The following BPIFB3 variants were observed in gnomAD, a reference collection of about 807,000 sequenced individuals.
BPIFB3 encodes the protein BPI fold containing family B member 3, also known as BPI fold-containing family B member 3.
In BPIFB3, 49 loss-of-function variants were observed where a neutral mutation model predicts 53.1. The observed-to-expected ratio is 0.92, with a 90% confidence interval of 0.73 to 1.17. The LOEUF (loss-of-function observed/expected upper bound fraction) is 1.17. BPIFB3 is among the 50% of genes most tolerant of loss of function. The pLI, the probability that BPIFB3 is intolerant of heterozygous loss-of-function variation, is 0.00. For synonymous variants in BPIFB3, 271 were observed against 269.6 expected, an observed-to-expected ratio of 1.01 and a Z score of -0.05; for missense variants, 628 against 592.5, an observed-to-expected ratio of 1.06 and a Z score of -0.62.
intron 5 of BPIFB3, among the ~76,000 whole-genome samples, chr20:33,063,294 C>A (rs1325597507): frequency 6.6e-6 from 1 of 152,162 alleles, no homozygotes; most frequent in Admixed American, 6.5e-5. Context: ...GCTTTTGCCT[C>A]CTCAGGTGAA....
chr20:33,067,234 A>G (rs1980706825), intron 9 of BPIFB3, among the ~76,000 whole-genome samples: 1 of 152,198 alleles, frequency 6.6e-6, no homozygotes, highest in Non-Finnish European at 1.5e-5. Flanking sequence ...AGACTAGGGC[A>G]CTTGTCTTGG....
chr20:33,069,132 G>A (rs4911295), intron 10 of BPIFB3, among the ~76,000 whole-genome samples, 159 bp downstream of exon 11: 41,710 of 151,924 alleles, frequency 0.27, 7,775 homozygotes, highest in East Asian at 0.79. Flanking sequence ...GTCATCATCT[G>A]GGCTGAGACC....
At chr20:33,071,142 G>T in intron 11 of BPIFB3, 111 bp from the exon 13 acceptor site, 1 of 1,149,044 alleles carries the variant, frequency 8.7e-7, no homozygotes, top group Non-Finnish European at 1.2e-6. Flanking sequence ...GCAGAGTGTT[G>T]GGCTGGTAAT....
chr20:33,063,726 A>G (rs1397449307), intron 6 of BPIFB3, 51 bp downstream of exon 7: 3 of 1,583,590 alleles, frequency 1.9e-6, no homozygotes, highest in Admixed American at 1.7e-5. Flanking sequence ...CCGTCTCTGT[A>G]TGACCCCAAT....
chr20:33,068,530 C>G (rs1043611127), intron 9 of BPIFB3, among the ~76,000 whole-genome samples: 2 of 152,224 alleles, frequency 1.3e-5, no homozygotes, highest in African/African-American at 2.4e-5. Context: ...AGTGGAGAGG[C>G]GGGCAGGGGA....
Position 33,071,946 on chromosome 20 carries a change from C to A in BPIFB3, c.1261-158C>A, listed in dbSNP as rs117712361. Among the ~76,000 whole-genome samples, 35 of 152,254 alleles carry A rather than the reference C, an allele frequency of 2.3e-4. 1 individual carries two copies. The East Asian group carries it at 6.8e-3, about 29-fold the overall frequency. ...GTCACTGGTGGACAGCCCAGGCCAC[C>A]CCCAAGTGCCCAGTGCCTGCCAGGA... On this transcript the variant is annotated intron_variant, in intron 12 of 14. Transcript: ENST00000375494.
chr20:33,061,207 G>C (rs929633037), intron 4 of BPIFB3, among the ~76,000 whole-genome samples: 1 of 152,084 alleles, frequency 6.6e-6, no homozygotes, highest in Non-Finnish European at 1.5e-5. Context: ...CAAGGGCTTT[G>C]GGCTCCTTAA....
intron 2 of BPIFB3, among the ~76,000 whole-genome samples, chr20:33,057,928 T>A (rs1381263552): frequency 6.6e-6 from 1 of 152,188 alleles, no homozygotes; most frequent in East Asian, 1.9e-4. Flanking sequence ...TGTCTAGCAC[T>A]GTGCATTGTA....
chr20:33,072,677 C>T, intron 13 of BPIFB3, 40 bp from the exon 15 acceptor site: 1 of 1,567,704 alleles, frequency 6.4e-7, no homozygotes, highest in Non-Finnish European at 8.8e-7. Context: ...AAGAGCTCCC[C>T]ACCAATGTAC....
chr20:33,055,645 G>A (rs1262337653), intron 1 of BPIFB3, 98 bp downstream of exon 2: 22 of 1,547,352 alleles, frequency 1.4e-5, no homozygotes, highest in Non-Finnish European at 1.6e-5. Flanking sequence ...ATAAGAGCAG[G>A]TTGTGATTCT....
chr20:33,056,637 C>T, exon 2 of BPIFB3: 1 of 1,612,940 alleles, frequency 6.2e-7, no homozygotes, highest in Non-Finnish European at 8.5e-7. Flanking sequence ...AGGAGGGCTG[C>T]TTGGAGGAGG....
chr20:33,070,470 T>C (rs1356205791), intron 11 of BPIFB3, among the ~76,000 whole-genome samples: 1 of 152,216 alleles, frequency 6.6e-6, no homozygotes, highest in Non-Finnish European at 1.5e-5. Flanking sequence ...AAGCACCATC[T>C]ACATGCACAG....
At chr20:33,071,691 T>TCTGAGGTTCTGGAATCTCACCATGGG (rs1980902426) in intron 12 of BPIFB3, among the ~76,000 whole-genome samples, 2 of 152,264 alleles carry the variant, frequency 1.3e-5, no homozygotes, top group Admixed American at 1.3e-4. Flanking sequence ...CTTACAGAGT[T>TCTGAGGTTCTGGAATCTCACCATGGG]CTGAGGTTCT....
intron 9 of BPIFB3, among the ~76,000 whole-genome samples, chr20:33,067,831 G>A (rs1980729769): frequency 6.6e-6 from 1 of 152,186 alleles, no homozygotes; most frequent in East Asian, 1.9e-4. Flanking sequence ...AGCCCCATGT[G>A]GCTTCAGATT....
At position 33,064,865 on chromosome 20, in the gene BPIFB3, G is replaced by A. The variant is rs757978286; in HGVS notation, c.924+20G>A. 6.2e-7 allele frequency: 1 copy of A among 1,604,712 alleles called. No individual in the cohort carries two copies. Among genetic ancestry groups the A allele is most frequent in the Non-Finnish European group, 8.5e-7 (1 of 1,177,586 alleles). ...GAGCTGGTGAGTGTGGTGCCCGGGGGATGGGGATGGGGGCTCCTTGCCCTG... is the reference window on the plus strand; with the variant it reads ...GAGCTGGTGAGTGTGGTGCCCGGGGAATGGGGATGGGGGCTCCTTGCCCTG... On this transcript the variant is annotated intron_variant, in intron 8 of 14. Coordinates refer to ENST00000375494, the Ensembl canonical transcript of BPIFB3.
exon 6 of BPIFB3, chr20:33,063,656 G>T: frequency 6.2e-7 from 1 of 1,614,062 alleles, no homozygotes; most frequent in Non-Finnish European, 8.5e-7. Flanking sequence ...TGGTGAATGA[G>T]CTCCTGGGGG....
At chr20:33,066,860 G>T in exon 9 of BPIFB3, 1 of 1,614,188 alleles carries the variant, frequency 6.2e-7, no homozygotes, top group Non-Finnish European at 8.5e-7. Context: ...TACAGACCTG[G>T]CAGCTTTGCT....
chr20:33,067,089 A>C (rs1056172862), intron 9 of BPIFB3, among the ~76,000 whole-genome samples: 1 of 152,238 alleles, frequency 6.6e-6, no homozygotes, highest in Non-Finnish European at 1.5e-5. Flanking sequence ...ACTGCCCCAG[A>C]AATCAACTGG....
chr20:33,065,557 GAAAA>G (rs1270078072), intron 8 of BPIFB3, among the ~76,000 whole-genome samples: 3 of 112,514 alleles, frequency 2.7e-5, no homozygotes, highest in African/African-American at 9.7e-5. Context: ...AGAAAGAAAA[GAAAA>G]AGAAAGAAAG....
Sources: gnomAD v4.1 joint callset for allele counts (sites outside exome capture counted in the v4.1 genomes callset) on GRCh38, gnomAD v4.1.1 for gene constraint, MANE v1.5 for transcripts, NCBI Gene and HGNC (gene_info 2026-07-23, HGNC 2026-07-21) for gene names.